The following DIO2 variants were observed in gnomAD, a reference collection of about 807,000 sequenced individuals.
DIO2 encodes iodothyronine deiodinase 2.
DIO2 carries 19 observed loss-of-function variants against 21.4 expected under a neutral mutation model. The observed-to-expected ratio is 0.89, with a 90% CI of 0.62 to 1.30. DIO2 has a LOEUF of 1.30. Among genes scored for constraint, DIO2 ranks in the 50% most tolerant of loss-of-function variants. DIO2 has a pLI of 0.00. For synonymous variants in DIO2, 122 were observed against 132.9 expected, an observed-to-expected ratio of 0.92 and a Z score of 0.57; for missense variants, 302 against 338.1, an observed-to-expected ratio of 0.89 and a Z score of 0.84.
At position 80,202,420 on chromosome 14, in the gene DIO2, T is replaced by C. The variant is rs112495571; in HGVS notation, c.*269A>G. The stretch of plus-strand genomic sequence containing the variant: ...TCCTTCTCAATGCAGAATGAACACA[T>C]GCTGAATTAGCGTTTCTTCCTCTCC... On this transcript the variant is annotated 3_prime_UTR_variant, in exon 2 of 2. Transcript: ENST00000438257. 708 of 686,180 alleles carry C rather than the reference T, an allele frequency of 1.0e-3. 7 individuals are homozygous for C. The highest frequency in any genetic ancestry group is 9.0e-3 in the African/African-American group (516 of 57,618). The allele number at this position is 686,180 out of a possible 1,614,324, so 42.5% of individuals were successfully genotyped here. A position where few individuals can be genotyped will look rare whatever the true frequency, so the allele number is the denominator to read the frequency against.
intron 2 of DIO2, among the ~76,000 whole-genome samples, chr14:80,219,870 G>A (rs186606789): frequency 9.9e-5 from 15 of 152,064 alleles, no homozygotes; most frequent in Non-Finnish European, 2.1e-4. Context: ...AGTTTAAAAC[G>A]ATTGTTTTGT....
At chr14:80,217,486 C>T (rs1025233851) in intron 2 of DIO2, among the ~76,000 whole-genome samples, 30 of 152,072 alleles carry the variant, frequency 2.0e-4, no homozygotes, top group Admixed American at 3.3e-4. Flanking sequence ...AATCCTTATG[C>T]TTTTCTAAGA....
chr14:80,210,427 G>C (rs1313407290), intron 1 of DIO2, among the ~76,000 whole-genome samples: 1 of 152,166 alleles, frequency 6.6e-6, no homozygotes, highest in Admixed American at 6.5e-5. Context: ...CACTACCTGA[G>C]CAGGTAAGGG....
At chr14:80,211,180 G>C (rs1888172133) in intron 1 of DIO2, 71 bp downstream of exon 1, 5 of 1,438,906 alleles carry the variant, frequency 3.5e-6, no homozygotes, top group Non-Finnish European at 4.8e-6. Context: ...GCTCCCAATG[G>C]CCTCTGGTCC....
chr14:80,202,309 T>A lies in DIO2; in HGVS notation c.*380A>T, dbSNP rs746354453. 9.5e-6 allele frequency: 5 copies of A among 527,996 alleles called. No homozygotes were observed. The highest frequency in any genetic ancestry group is 7.0e-5 in the South Asian group (5 of 71,658). The allele number at this position is 527,996 out of a possible 1,614,324, so 32.7% of individuals were successfully genotyped here. ...AGAGCCAAGGCAATACCCTTTATCTTAACGTAGACAGTAGCTTCCCTAATG... is the reference window on the plus strand; with the variant it reads ...AGAGCCAAGGCAATACCCTTTATCTAAACGTAGACAGTAGCTTCCCTAATG... On this transcript the variant is annotated 3_prime_UTR_variant, in exon 2 of 2. Transcript: ENST00000438257.
intron 1 of DIO2, among the ~76,000 whole-genome samples, chr14:80,207,801 C>G (rs1348467803): frequency 6.6e-6 from 1 of 152,156 alleles, no homozygotes; most frequent in African/African-American, 2.4e-5. Context: ...TAGCTCTAAG[C>G]TCTATCATTC....
intron 2 of DIO2, among the ~76,000 whole-genome samples, chr14:80,229,870 T>G (rs1307732217): frequency 6.6e-6 from 1 of 152,112 alleles, no homozygotes; most frequent in Non-Finnish European, 1.5e-5. Flanking sequence ...GCTGTTTATA[T>G]AAATTAAAGA....
chr14:80,211,535 A>C, upstream of DIO2: 1 of 447,702 alleles, frequency 2.2e-6, no homozygotes, highest in Non-Finnish European at 3.0e-6. Context: ...TCTTATTTAA[A>C]AGGGGGGTGG....
intron 2 of DIO2, among the ~76,000 whole-genome samples, chr14:80,223,172 G>A (rs763180045): frequency 5.9e-5 from 9 of 152,006 alleles, no homozygotes; most frequent in Admixed American, 1.3e-4. Context: ...CTATTGGTAC[G>A]TGCTTGACAT....
At chr14:80,211,600 G>A (rs953068641), upstream of DIO2, 24 of 617,064 alleles carry the variant, frequency 3.9e-5, no homozygotes, top group Non-Finnish European at 4.9e-5. Context: ...GGGAGAAGGG[G>A]AAAAAAAACT....
upstream of DIO2, among the ~76,000 whole-genome samples, chr14:80,214,551 A>G (rs1888305432): frequency 6.6e-6 from 1 of 152,190 alleles, no homozygotes; most frequent in South Asian, 2.1e-4. Context: ...TACACAGCCA[A>G]TCTGGTTATG....
intron 1 of DIO2, among the ~76,000 whole-genome samples, chr14:80,207,555 A>G (rs1887999467): frequency 6.6e-6 from 1 of 152,240 alleles, no homozygotes; most frequent in South Asian, 2.1e-4. Flanking sequence ...ACTACTTGCT[A>G]TCCAAAGCCC....
chr14:80,211,467 G>C lies in DIO2; in HGVS notation c.6C>G (p.Gly2=). The C allele has an allele frequency of 6.3e-7, 1 of 1,595,582 alleles. No individual in the cohort carries two copies. Among genetic ancestry groups the C allele is most frequent in the East Asian group, 2.3e-5 (1 of 43,500 alleles). Residue 2 remains glycine (G), a synonymous_variant, in exon 1 of 2, where the codon GGC becomes GGG. Coordinates refer to ENST00000438257, the MANE Select transcript of DIO2 (RefSeq NM_013989.5). M[G]ILSVDLLITL... is the part of the protein sequence containing the mutation. ...TGATCAGCAAGTCTACGCTGAGGAT[G>C]CCCATCTTCTCTGCCTCCTGAGTCA... is the stretch of plus-strand genomic sequence containing the variant.
intron 2 of DIO2, among the ~76,000 whole-genome samples, chr14:80,227,319 T>G (rs1182457310): frequency 6.6e-6 from 1 of 152,188 alleles, no homozygotes; most frequent in Non-Finnish European, 1.5e-5. Flanking sequence ...TTGAGCCACT[T>G]TCTCACGTAA....
At chr14:80,223,721 CTAAGGCTA>C (rs1449822290) in intron 2 of DIO2, among the ~76,000 whole-genome samples, 1 of 152,160 alleles carries the variant, frequency 6.6e-6, no homozygotes, top group African/African-American at 2.4e-5. Flanking sequence ...TCTGCTACTC[CTAAGGCTA>C]TCATTCTTAA....
chr14:80,210,108 T>A (rs1467309393), intron 1 of DIO2, among the ~76,000 whole-genome samples: 1 of 152,190 alleles, frequency 6.6e-6, no homozygotes, highest in Non-Finnish European at 1.5e-5. Context: ...TTTTCTGGCA[T>A]CTTGGGCAAG....
chr14:80,221,826 G>T (rs1404412693), intron 2 of DIO2, among the ~76,000 whole-genome samples: 1 of 152,154 alleles, frequency 6.6e-6, no homozygotes, highest in East Asian at 1.9e-4. Context: ...ATAGGTCTGT[G>T]CACCTTACTC....
intron 2 of DIO2, among the ~76,000 whole-genome samples, chr14:80,221,385 C>G (rs1282256429): frequency 6.6e-6 from 1 of 152,120 alleles, no homozygotes; most frequent in African/African-American, 2.4e-5. Context: ...GTCTGAGTAC[C>G]TACATGCTAC....
At position 80,200,827 on chromosome 14, in the gene DIO2, AAAAAT is replaced by A. The variant is rs1395506080; in HGVS notation, c.*1857_*1861del. The A allele has an allele frequency of 1.3e-5, 2 of 152,312 alleles. No individual in the cohort carries two copies. The highest frequency in any genetic ancestry group is 1.9e-4 in the East Asian group (1 of 5,178). 9.4% of individuals were successfully genotyped at this position (152,312 alleles called of 1,614,324 possible). A position where few individuals can be genotyped will look rare whatever the true frequency, so the allele number is the denominator to read the frequency against. On this transcript the variant is annotated 3_prime_UTR_variant, in exon 2 of 2. Coordinates refer to ENST00000438257, the MANE Select transcript of DIO2 (RefSeq NM_013989.5). The stretch of plus-strand genomic sequence containing the variant: ...ACGACTGATATGTTGCTCCCATTTA[AAAAAT>A]AAAATAAAATACGTTTGGTTCTTGC...
Sources: allele counts gnomAD v4.1 joint callset (sites outside exome capture counted in the v4.1 genomes callset), GRCh38; gene constraint gnomAD v4.1.1; transcripts MANE v1.5; gene names NCBI Gene and HGNC (gene_info 2026-07-23, HGNC 2026-07-21).